Variants in GLCE observed in about 807,000 individuals in gnomAD.
GLCE encodes the protein glucuronic acid epimerase, also known as D-glucuronyl C5-epimerase.
GLCE carries 19 observed loss-of-function variants against 47.9 expected under a neutral mutation model. The observed-to-expected ratio is 0.40, with a 90% confidence interval of 0.28 to 0.58. The LOEUF is 0.58. Among genes scored for constraint, GLCE ranks in the 20% least tolerant of loss-of-function variants. The pLI, the probability that GLCE is intolerant of heterozygous loss-of-function variation, is 0.48. For synonymous variants in GLCE, 245 were observed against 263.4 expected, an observed-to-expected ratio of 0.93 and a Z score of 0.68; for missense variants, 556 against 743.3, an observed-to-expected ratio of 0.75 and a Z score of 2.93.
intron 1 of GLCE, among the ~76,000 whole-genome samples, chr15:69,172,014 C>A (rs1009100562): frequency 5.9e-5 from 9 of 152,076 alleles, no homozygotes; most frequent in African/African-American, 2.2e-4. Flanking sequence ...CAAAGATAGT[C>A]CAGAAGATTT....
At chr15:69,167,017 A>T (rs1373222282) in intron 1 of GLCE, among the ~76,000 whole-genome samples, 1 of 150,842 alleles carries the variant, frequency 6.6e-6, no homozygotes, top group Non-Finnish European at 1.5e-5. Context: ...GGAGTTCGAG[A>T]CCAGCCTGGC....
Position 69,269,672 on chromosome 15 carries a change from C to A in GLCE, c.*428C>A, listed in dbSNP as rs2053139203. 1 of 159,514 alleles carries A rather than the reference C, an allele frequency of 6.3e-6. No homozygotes were observed. Among genetic ancestry groups the A allele is most frequent in the Non-Finnish European group, 1.4e-5 (1 of 72,438 alleles). The allele number at this position is 159,514 out of a possible 1,614,324, so 9.9% of individuals were successfully genotyped here. On this transcript the variant is annotated 3_prime_UTR_variant, in exon 5 of 5. Transcript: ENST00000261858. Reference sequence around the variant, plus strand: ...AGCGGACTTTAAAAAAAATAATGTGCTGTAACACAGTAAATATGTACTTGT... The same window carrying A: ...AGCGGACTTTAAAAAAAATAATGTGATGTAACACAGTAAATATGTACTTGT...
At chr15:69,247,794 C>T (rs764275868) in intron 2 of GLCE, among the ~76,000 whole-genome samples, 2 of 152,110 alleles carry the variant, frequency 1.3e-5, no homozygotes, top group Non-Finnish European at 2.9e-5. Flanking sequence ...AACAGGCAAT[C>T]GGGGAACAGC....
In GLCE at chr15:69,223,680, TC is replaced by T. The variant is rs201588531; in HGVS notation, c.-14+13276del. On this transcript the variant is annotated intron_variant, in intron 2 of 4. Transcript: ENST00000261858. ...CTCTTTGCCTCTTTCTCTTTTCTCC[TC>T]CTTTCAAAACTCCCACAATGTATAT... is the stretch of plus-strand genomic sequence containing the variant. Among the ~76,000 whole-genome samples, 144 of 152,272 alleles carry T rather than the reference TC, an allele frequency of 9.5e-4. 2 individuals carry two copies. The East Asian group carries it at 0.027, about 28-fold the overall frequency.
chr15:69,261,180 C>T lies in GLCE; in HGVS notation c.680C>T (p.Thr227Ile). ...YGLSHYSKNLTEKPPHIEVYE... is the reference protein window; with the variant it reads ...YGLSHYSKNLIEKPPHIEVYE... ...TTAAGTCATTACAGCAAGAATCTAA[C>T]TGAGAAACCTCCTCACATAGAGGTA... The change falls in exon 4 of 5, where the codon ACT becomes ATT. Residue 227 changes from threonine to isoleucine, a missense_variant. Thr to Ile is a moderately conservative substitution (Grantham distance 89, BLOSUM62 -1). This residue lies in a region of GLCE where 237 missense variants were observed against 310.9 expected (regional missense o/e 0.76). Coordinates refer to ENST00000261858, the MANE Select transcript of GLCE (RefSeq NM_015554.3). The T allele has an allele frequency of 1.2e-6, 2 of 1,613,974 alleles. No homozygotes were observed. The highest frequency in any genetic ancestry group is 1.7e-6 in the Non-Finnish European group (2 of 1,179,864).
chr15:69,183,516 CA>C (rs2051779677), intron 1 of GLCE, among the ~76,000 whole-genome samples: 1 of 152,204 alleles, frequency 6.6e-6, no homozygotes, highest in African/African-American at 2.4e-5. Context: ...ACCAGGTAGC[CA>C]TAAAATGCCA....
At chr15:69,240,503 G>A (rs1449441992) in intron 2 of GLCE, among the ~76,000 whole-genome samples, 1 of 152,102 alleles carries the variant, frequency 6.6e-6, no homozygotes, top group Non-Finnish European at 1.5e-5. Context: ...GGAGTGAGAT[G>A]TAGAAAATAA....
intron 1 of GLCE, among the ~76,000 whole-genome samples, chr15:69,172,297 A>G (rs1424581385): frequency 1.3e-5 from 2 of 152,188 alleles, no homozygotes; most frequent in Non-Finnish European, 2.9e-5. Flanking sequence ...TATCGAACAC[A>G]CGTGTTGTCG....
At chr15:69,178,882 A>T (rs2051711228) in intron 1 of GLCE, among the ~76,000 whole-genome samples, 1 of 152,194 alleles carries the variant, frequency 6.6e-6, no homozygotes, top group South Asian at 2.1e-4. Context: ...TGGTTAAATA[A>T]ATGATGATAT....
chr15:69,240,808 A>C (rs1242782961), intron 2 of GLCE, among the ~76,000 whole-genome samples: 1 of 152,206 alleles, frequency 6.6e-6, no homozygotes, highest in Non-Finnish European at 1.5e-5. Flanking sequence ...AAATTTGAAG[A>C]AAAAGATGAT....
At chr15:69,174,487 G>A (rs534840336) in intron 1 of GLCE, among the ~76,000 whole-genome samples, 12 of 152,268 alleles carry the variant, frequency 7.9e-5, no homozygotes, top group African/African-American at 2.9e-4. Context: ...GTGGGCACCT[G>A]TAATCCCAGC....
At chr15:69,260,927 G>T (rs1169115291) in intron 3 of GLCE, 160 bp from the exon 4 acceptor site, 18 of 568,752 alleles carry the variant, frequency 3.2e-5, no homozygotes, top group Non-Finnish European at 4.8e-5. Context: ...TGGTTAATTT[G>T]GTACTAGATC....
At chr15:69,202,273 A>G (rs11632483) in intron 1 of GLCE, among the ~76,000 whole-genome samples, 5 of 152,144 alleles carry the variant, frequency 3.3e-5, no homozygotes, top group African/African-American at 9.7e-5. Context: ...AATTAAAAAA[A>G]AAAATCAACA....
At chr15:69,204,893 C>G (rs1224961850) in intron 1 of GLCE, among the ~76,000 whole-genome samples, 2 of 151,990 alleles carry the variant, frequency 1.3e-5, no homozygotes, top group Non-Finnish European at 2.9e-5. Flanking sequence ...GTCACTTGCT[C>G]TATCTGAAAA....
At chr15:69,243,568 C>CT (rs1398942011) in intron 2 of GLCE, among the ~76,000 whole-genome samples, 4 of 78,376 alleles carry the variant, frequency 5.1e-5, no homozygotes, top group Non-Finnish European at 1.3e-4. Flanking sequence ...CCGCCCCCAT[C>CT]TCAAAAAAAA....
chr15:69,182,530 CAAAG>C (rs1054253970), intron 1 of GLCE, among the ~76,000 whole-genome samples: 31 of 151,868 alleles, frequency 2.0e-4, no homozygotes, highest in African/African-American at 6.3e-4. Context: ...AGCATGTATG[CAAAG>C]GAAGGAAGGA....
chr15:69,229,334 A>G (rs751976629), intron 2 of GLCE, among the ~76,000 whole-genome samples: 3 of 152,234 alleles, frequency 2.0e-5, no homozygotes, highest in Admixed American at 6.5e-5. Flanking sequence ...GTGATTTAGA[A>G]CAAATGAAGT....
At chr15:69,182,086 G>A (rs1400118093) in intron 1 of GLCE, among the ~76,000 whole-genome samples, 2 of 151,936 alleles carry the variant, frequency 1.3e-5, no homozygotes, top group Non-Finnish European at 2.9e-5. Context: ...TAAGATAAAA[G>A]TGAGGATGAG....
At chr15:69,195,584 AT>A (rs1292496225) in intron 1 of GLCE, among the ~76,000 whole-genome samples, 3 of 152,210 alleles carry the variant, frequency 2.0e-5, no homozygotes, top group African/African-American at 7.2e-5. Flanking sequence ...ATGGAAAACT[AT>A]TTTTTAAAAT....
Sources: allele counts gnomAD v4.1 joint callset (sites outside exome capture counted in the v4.1 genomes callset), GRCh38; gene constraint gnomAD v4.1.1; regional missense constraint gnomAD v4.1.1; transcripts MANE v1.5; gene names NCBI Gene and HGNC (gene_info 2026-07-23, HGNC 2026-07-21).